The following CMBL variants were observed in gnomAD, a reference collection of about 807,000 sequenced individuals.
The protein encoded by CMBL is carboxymethylenebutenolidase homolog.
Under a neutral mutation model 28.7 loss-of-function variants are expected in CMBL, and 17 were observed. That is an observed-to-expected ratio of 0.59 (90% CI 0.41 to 0.89). CMBL has a LOEUF of 0.89. CMBL is among the 40% of genes least tolerant of loss of function. The pLI is 0.00. For synonymous variants in CMBL, 106 were observed against 101.6 expected, an observed-to-expected ratio of 1.04 and a Z score of -0.26; for missense variants, 310 against 298.5, an observed-to-expected ratio of 1.04 and a Z score of -0.28.
At chr5:10,304,535 C>A (rs1221325698) in intron 1 of CMBL, among the ~76,000 whole-genome samples, 1 of 152,266 alleles carries the variant, frequency 6.6e-6, no homozygotes, top group Non-Finnish European at 1.5e-5. Context: ...CCCAGCCTGT[C>A]AGAATGGCCG....
At chr5:10,285,700 C>CT (rs34390937) in intron 4 of CMBL, among the ~76,000 whole-genome samples, 18,267 of 133,518 alleles carry the variant, frequency 0.14, 2,144 homozygotes, top group African/African-American at 0.3. Context: ...CTTTCTTTTT[C>CT]TTTTTTTTTT....
chr5:10,292,358 C>T (rs1746738119), intron 1 of CMBL, among the ~76,000 whole-genome samples: 1 of 152,092 alleles, frequency 6.6e-6, no homozygotes, highest in Non-Finnish European at 1.5e-5. Flanking sequence ...GCACACACCA[C>T]CACAATCAGC....
intron 1 of CMBL, among the ~76,000 whole-genome samples, chr5:10,298,415 C>G (rs1443235478): frequency 6.6e-6 from 1 of 151,930 alleles, no homozygotes; most frequent in African/African-American, 2.4e-5. Flanking sequence ...AAAGGAAAGA[C>G]AACTGCAGAA....
chr5:10,300,887 C>T (rs970602846), intron 1 of CMBL, among the ~76,000 whole-genome samples: 3 of 146,492 alleles, frequency 2.0e-5, no homozygotes, highest in African/African-American at 7.5e-5. Flanking sequence ...AATAGAAATA[C>T]AAAACTTGAA....
At chr5:10,284,898 G>A (rs185002545) in intron 4 of CMBL, among the ~76,000 whole-genome samples, 1 of 152,056 alleles carries the variant, frequency 6.6e-6, no homozygotes, top group Admixed American at 6.5e-5. Context: ...CAGATATAAT[G>A]TTATTTCATT....
chr5:10,306,532 G>A (rs7702977), intron 1 of CMBL, among the ~76,000 whole-genome samples: 21,430 of 152,086 alleles, frequency 0.14, 2,614 homozygotes, highest in African/African-American at 0.34. Flanking sequence ...AGTGCATCCA[G>A]GGCTCAGGGT....
At chr5:10,299,841 A>AG (rs1561066436) in intron 1 of CMBL, among the ~76,000 whole-genome samples, 1 of 151,568 alleles carries the variant, frequency 6.6e-6, no homozygotes, top group African/African-American at 2.4e-5. Context: ...ATCTAAAAAA[A>AG]AGAGAGAGAG....
At chr5:10,285,635 G>T (rs1368400619) in intron 4 of CMBL, among the ~76,000 whole-genome samples, 2 of 151,514 alleles carry the variant, frequency 1.3e-5, no homozygotes, top group African/African-American at 4.9e-5. Flanking sequence ...GCATGTTTGT[G>T]TACAGTTAGA....
chr5:10,285,425 C>T (rs1352221118), intron 4 of CMBL, among the ~76,000 whole-genome samples: 1 of 152,100 alleles, frequency 6.6e-6, no homozygotes, highest in Non-Finnish European at 1.5e-5. Flanking sequence ...CCTCGGCCTC[C>T]CAAAGTGCTG....
At chr5:10,304,321 G>T (rs1042594620) in intron 1 of CMBL, among the ~76,000 whole-genome samples, 5 of 152,176 alleles carry the variant, frequency 3.3e-5, no homozygotes, top group African/African-American at 1.2e-4. Flanking sequence ...GTGAGCCAAT[G>T]ATCATGCCAC....
chr5:10,284,637 G>GTA (rs1746563974), intron 4 of CMBL, among the ~76,000 whole-genome samples: 2 of 152,212 alleles, frequency 1.3e-5, no homozygotes, highest in South Asian at 4.1e-4. Context: ...TTGCCCAACT[G>GTA]TAGCCTGATG....
At position 10,290,696 on chromosome 5, in the gene CMBL, G is replaced by T. The variant is rs750687273; in HGVS notation, c.67C>A (p.Arg23Ser). ...TTGATGTGCTCGACTTGAACTTCACGGCCTAGCCCTCCATACTCAAGTCTG... is the reference window on the plus strand; with the variant it reads ...TTGATGTGCTCGACTTGAACTTCACTGCCTAGCCCTCCATACTCAAGTCTG... ...GHRLEYGGLGREVQVEHIKAY... is the reference protein window; with the variant it reads ...GHRLEYGGLGSEVQVEHIKAY... The change falls in exon 2 of 6, where the codon CGT (arginine) becomes AGT (serine). Residue 23 changes from arginine (R) to serine (S), a missense_variant. Arg to Ser is a moderately radical substitution (Grantham distance 110). Coordinates refer to ENST00000296658, the MANE Select transcript of CMBL (RefSeq NM_138809.4). The T allele has an allele frequency of 6.2e-7, 1 of 1,614,158 alleles. No individual in the cohort carries two copies. The highest frequency in any genetic ancestry group is 1.7e-5 in the Admixed American group (1 of 60,022).
intron 1 of CMBL, among the ~76,000 whole-genome samples, chr5:10,303,198 T>C (rs1746941873): frequency 6.6e-6 from 1 of 152,158 alleles, no homozygotes; most frequent in South Asian, 2.1e-4. Context: ...CCATCCCCGA[T>C]CTTTGAGTTG....
intron 1 of CMBL, among the ~76,000 whole-genome samples, chr5:10,305,251 GCCA>G (rs57844379): frequency 0.14 from 21,380 of 152,002 alleles, 2,586 homozygotes; most frequent in African/African-American, 0.33. Flanking sequence ...GCCCACACTG[GCCA>G]CCACCAGCAC....
chr5:10,291,305 G>A (rs1340670558), intron 1 of CMBL, among the ~76,000 whole-genome samples: 1 of 152,184 alleles, frequency 6.6e-6, no homozygotes, highest in African/African-American at 2.4e-5. Flanking sequence ...AGCTCCATCC[G>A]CCAGGCTCAG....
intron 1 of CMBL, among the ~76,000 whole-genome samples, chr5:10,297,691 A>G (rs1746832556): frequency 6.6e-6 from 1 of 152,068 alleles, no homozygotes; most frequent in African/African-American, 2.4e-5. Flanking sequence ...TGAGAATGAT[A>G]CCATAGAAAG....
intron 3 of CMBL, among the ~76,000 whole-genome samples, chr5:10,286,855 G>C (rs1746613724): frequency 6.6e-6 from 1 of 152,184 alleles, no homozygotes; most frequent in South Asian, 2.1e-4. Flanking sequence ...TCTGCTCCCT[G>C]CAGAGTGCCC....
chr5:10,296,159 A>T (rs1000417614), intron 1 of CMBL, among the ~76,000 whole-genome samples: 1 of 152,214 alleles, frequency 6.6e-6, no homozygotes, highest in African/African-American at 2.4e-5. Context: ...AACCGCTGTG[A>T]CCAGGCCACA....
rs1190131476 is a variant in CMBL at position 10,290,646 on chromosome 5, A to T, written c.117T>A (p.Val39=). Residue 39 remains valine, a synonymous_variant, in exon 2 of 6, where the codon GTT becomes GTA. Transcript: ENST00000296658. ...HIKAYVTKSP[V]DAGKAVIVIQ... is the part of the protein sequence containing the mutation. ...TGACAATCACAGCTTTGCCTGCATC[A>T]ACGGGGGATTTGGTGACATAAGCCT... The T allele has an allele frequency of 1.2e-6, 2 of 1,614,078 alleles. No homozygotes were observed. The highest frequency in any genetic ancestry group is 3.3e-5 in the Admixed American group (2 of 59,988).
Sources: allele counts gnomAD v4.1 joint callset (sites outside exome capture counted in the v4.1 genomes callset), GRCh38; gene constraint gnomAD v4.1.1; transcripts MANE v1.5; gene names NCBI Gene and HGNC (gene_info 2026-07-23, HGNC 2026-07-21).